The following SIRPA variants were observed in gnomAD, a reference collection of about 807,000 sequenced individuals.
SIRPA encodes the protein signal regulatory protein alpha, also known as tyrosine-protein phosphatase non-receptor type substrate 1.
SIRPA carries 9 observed loss-of-function variants against 50.3 expected under a neutral mutation model. The observed-to-expected ratio is 0.18, with a 90% confidence interval of 0.11 to 0.31. SIRPA has a LOEUF of 0.31. Ranked by LOEUF, SIRPA falls within the 10% of genes least tolerant of loss-of-function variation. The probability of loss-of-function intolerance (pLI) is 1.00; values close to 1 mark genes in which losing one functional copy is unlikely to be tolerated. For missense variants in SIRPA, 474 were observed against 661.6 expected (o/e 0.72, Z 3.11); for synonymous variants, 265 against 284.1 (o/e 0.93, Z 0.68).
Position 1,937,652 on chromosome 20 carries a change from A to C in SIRPA, c.*84A>C. 1 of 1,542,274 alleles carries C rather than the reference A, an allele frequency of 6.5e-7. No individual in the cohort carries two copies. The highest frequency in any genetic ancestry group is 1.2e-5 in the South Asian group (1 of 82,512). On this transcript the variant is annotated 3_prime_UTR_variant, in exon 8 of 8. Coordinates refer to ENST00000358771, the MANE Select transcript of SIRPA (RefSeq NM_001040023.2). The surrounding 1 kb of genome is among the most constrained non-coding windows in gnomAD (Gnocchi z 8.3). ...CCGCCGTGATGAGCACAGCCAACCCAGTTCCCGGAGGGCTGGGGCGGTGCA... is the reference window on the plus strand; with the variant it reads ...CCGCCGTGATGAGCACAGCCAACCCCGTTCCCGGAGGGCTGGGGCGGTGCA...
At position 1,924,989 on chromosome 20, in the gene SIRPA, G is replaced by T. The variant is rs561969134; in HGVS notation, c.1201+112G>T. 2.1e-5 allele frequency: 17 copies of T among 823,902 alleles called. No homozygotes were observed. The South Asian group carries it at 2.6e-4, about 13-fold the overall frequency. 51.0% of individuals were successfully genotyped at this position (823,902 alleles called of 1,614,324 possible). A position where few individuals can be genotyped will look rare whatever the true frequency, so the allele number is the denominator to read the frequency against. ...CATCAGCTTCTGCCAGTAGCAAGAA[G>T]TCCAGAGGTAGTGGTGCTAGGGCTG... On this transcript the variant is annotated intron_variant, in intron 5 of 7. Transcript: ENST00000358771. The surrounding 1 kb of genome is among the most constrained non-coding windows in gnomAD (Gnocchi z 4.5).
In SIRPA at chr20:1,916,350, G is replaced by A. The variant is rs570951329; in HGVS notation, c.436+895G>A. Among the ~76,000 whole-genome samples the A allele has an allele frequency of 1.6e-4, 25 of 152,348 alleles. No homozygotes were observed. The South Asian group carries it at 3.7e-3, about 23-fold the overall frequency. On this transcript the variant is annotated intron_variant, in intron 2 of 7. Transcript: ENST00000358771. Reference sequence around the variant, plus strand: ...AGGTGGAAACTTGAAGTCAGGAGATGACAGGGGCCTTGTCCACAGTCATAG... The same window carrying A: ...AGGTGGAAACTTGAAGTCAGGAGATAACAGGGGCCTTGTCCACAGTCATAG...
Position 1,939,183 on chromosome 20 carries a change from CACTATA to C in SIRPA, c.*1619_*1624del, listed in dbSNP as rs1986756480. On this transcript the variant is annotated 3_prime_UTR_variant, in exon 8 of 8. Transcript: ENST00000358771. This position sits in a 1 kb window ranked among gnomAD's most constrained non-coding sequence, Gnocchi z 4.7. ...TCGCAAGCCCTATTTATTCAGTCTTCACTATAACTCTTAGAGTTGAGACGCTAATGT... is the reference window on the plus strand; with the variant it reads ...TCGCAAGCCCTATTTATTCAGTCTTCACTCTTAGAGTTGAGACGCTAATGT... The C allele has an allele frequency of 6.6e-6, 1 of 152,230 alleles. No individual in the cohort carries two copies. The highest frequency in any genetic ancestry group is 2.4e-5 in the African/African-American group (1 of 41,458). 9.4% of individuals were successfully genotyped at this position (152,230 alleles called of 1,614,324 possible).
intron 2 of SIRPA, among the ~76,000 whole-genome samples, chr20:1,917,806 C>T (rs17776032): frequency 0.019 from 2,824 of 152,198 alleles, 38 homozygotes; most frequent in Admixed American, 0.029. Flanking sequence ...TTTATATTAT[C>T]CCCTCAGGCT....
At chr20:1,912,543 G>A (rs6075336) in intron 1 of SIRPA, among the ~76,000 whole-genome samples, 21,844 of 152,268 alleles carry the variant, frequency 0.14, 2,037 homozygotes, top group Admixed American at 0.22. Flanking sequence ...AGTCCCTTGT[G>A]GATCCTACAT....
chr20:1,902,916 G>T (rs1257478071), intron 1 of SIRPA, among the ~76,000 whole-genome samples: 1 of 151,226 alleles, frequency 6.6e-6, no homozygotes, highest in East Asian at 2.0e-4. Context: ...GGAGGCTGCG[G>T]CAGGAGAATC....
chr20:1,907,983 G>A (rs1390714345), intron 1 of SIRPA, among the ~76,000 whole-genome samples: 2 of 152,202 alleles, frequency 1.3e-5, no homozygotes, highest in African/African-American at 4.8e-5. Context: ...ATGGTTCTGG[G>A]CTAGCCTGTT....
rs1215731744 is a variant in SIRPA at position 1,924,003 on chromosome 20, TGGTTG to T, written c.1088-759_1088-755del. ...CTGGTTGGTTGGTTGGTTGGTTGGT[TGGTTG>T]GTTGGTTGGTTGGTTACATAATCCT... is the stretch of plus-strand genomic sequence containing the variant. On this transcript the variant is annotated intron_variant, in intron 4 of 7. Coordinates refer to ENST00000358771, the MANE Select transcript of SIRPA (RefSeq NM_001040023.2). The surrounding 1 kb of genome is among the most constrained non-coding windows in gnomAD (Gnocchi z 4.5). 6.6e-6 allele frequency among the ~76,000 whole-genome samples: 1 copy of T among 151,846 alleles called. No homozygotes were observed. Among genetic ancestry groups the T allele is most frequent in the African/African-American group, 2.4e-5 (1 of 41,316 alleles).
At position 1,938,003 on chromosome 20, in the gene SIRPA, C is replaced by CACCACCACT. The variant is rs1208078201; in HGVS notation, c.*444_*452dup. ...CCTCCACCACCACCACCACCACCACCACCACCACTACCACCACCACCCAAC... is the reference window on the plus strand; with the variant it reads ...CCTCCACCACCACCACCACCACCACCACCACCACTACCACCACTACCACCACCACCCAAC... On this transcript the variant is annotated 3_prime_UTR_variant, in exon 8 of 8. Coordinates refer to ENST00000358771, the MANE Select transcript of SIRPA (RefSeq NM_001040023.2). 4.3e-4 allele frequency: 74 copies of CACCACCACT among 171,040 alleles called. No homozygotes were observed. The highest frequency in any genetic ancestry group is 6.0e-4 in the Non-Finnish European group (51 of 84,590). The allele number at this position is 171,040 out of a possible 1,614,324, so 10.6% of individuals were successfully genotyped here.
chr20:1,938,372 T>C lies in SIRPA; in HGVS notation c.*804T>C, dbSNP rs1986716533. ...TGGACGCCTGTAAATTACTGAGAAA[T>C]GTGAAACGTGCAATCTTGAAACTGA... On this transcript the variant is annotated 3_prime_UTR_variant, in exon 8 of 8. Coordinates refer to ENST00000358771, the MANE Select transcript of SIRPA (RefSeq NM_001040023.2). The C allele has an allele frequency of 6.5e-6, 1 of 152,714 alleles. No homozygotes were observed. Among genetic ancestry groups the C allele is most frequent in the African/African-American group, 2.4e-5 (1 of 41,450 alleles). 9.5% of individuals were successfully genotyped at this position (152,714 alleles called of 1,614,324 possible).
chr20:1,909,348 T>C (rs1455071018), intron 1 of SIRPA, among the ~76,000 whole-genome samples: 1 of 152,256 alleles, frequency 6.6e-6, no homozygotes, highest in Non-Finnish European at 1.5e-5. Context: ...AGGCTGGTTC[T>C]TGGGAAATGT....
At chr20:1,902,568 C>T (rs533402227) in intron 1 of SIRPA, among the ~76,000 whole-genome samples, 1 of 152,166 alleles carries the variant, frequency 6.6e-6, no homozygotes, top group Non-Finnish European at 1.5e-5. Flanking sequence ...CACCTGCTCT[C>T]GTGCAGCAGA....
At chr20:1,925,924 T>C (rs1443730655) in intron 5 of SIRPA, among the ~76,000 whole-genome samples, 3 of 152,228 alleles carry the variant, frequency 2.0e-5, no homozygotes, top group African/African-American at 7.2e-5. Flanking sequence ...ACACCCTTTG[T>C]ATATAAAATT....
chr20:1,904,415 G>T (rs776749668), intron 1 of SIRPA, among the ~76,000 whole-genome samples: 1 of 152,322 alleles, frequency 6.6e-6, no homozygotes, highest in East Asian at 1.9e-4. Context: ...CCCCCAGAGG[G>T]TCACTGCACG....
In SIRPA at chr20:1,898,076, A is replaced by T. The variant is rs1484844100; in HGVS notation, c.79+2550A>T. Among the ~76,000 whole-genome samples, 7 of 152,194 alleles carry T rather than the reference A, an allele frequency of 4.6e-5. No homozygotes were observed. The highest frequency in any genetic ancestry group is 1.7e-4 in the African/African-American group (7 of 41,456). Reference sequence around the variant, plus strand: ...GAGTCACCCCCCAGGCCGACCTCAGATAAACTCCCATTCATTTCTTCTCTC... The same window carrying T: ...GAGTCACCCCCCAGGCCGACCTCAGTTAAACTCCCATTCATTTCTTCTCTC... On this transcript the variant is annotated intron_variant, in intron 1 of 7. Coordinates refer to ENST00000358771, the MANE Select transcript of SIRPA (RefSeq NM_001040023.2). This position sits in a 1 kb window ranked among gnomAD's most constrained non-coding sequence, Gnocchi z 4.3.
intron 1 of SIRPA, among the ~76,000 whole-genome samples, chr20:1,901,159 CTTTCTTTTTTTTTTT>C (rs1568493137): frequency 3.1e-5 from 4 of 129,818 alleles, no homozygotes. Context: ...TCCTTTCTTT[CTTTCTTTTTTTTTTT>C]TTTTTTTTTT....
At position 1,924,986 on chromosome 20, in the gene SIRPA, G is replaced by T; in HGVS notation, c.1201+109G>T. 1 of 838,570 alleles carries T rather than the reference G, an allele frequency of 1.2e-6. No homozygotes were observed. The highest frequency in any genetic ancestry group is 1.5e-5 in the South Asian group (1 of 66,154). 51.9% of individuals were successfully genotyped at this position (838,570 alleles called of 1,614,324 possible). On this transcript the variant is annotated intron_variant, in intron 5 of 7. Transcript: ENST00000358771. This position sits in a 1 kb window ranked among gnomAD's most constrained non-coding sequence, Gnocchi z 4.5. ...GGACATCAGCTTCTGCCAGTAGCAA[G>T]AAGTCCAGAGGTAGTGGTGCTAGGG...
rs1986636091 is a variant in SIRPA, at chr20:1,937,357, C to T, written c.1304C>T (p.Pro435Leu). 6.2e-7 allele frequency: 1 copy of T among 1,613,936 alleles called. No homozygotes were observed. Among genetic ancestry groups the T allele is most frequent in the Admixed American group, 1.7e-5 (1 of 59,996 alleles). ...ATCACATATGCAGACCTGAACCTGCCCAAGGGGAAGAAGCCTGCTCCCCAG... is the reference window on the plus strand; with the variant it reads ...ATCACATATGCAGACCTGAACCTGCTCAAGGGGAAGAAGCCTGCTCCCCAG... ...NDITYADLNL[P>L]KGKKPAPQAA... The change falls in exon 8 of 8, where the codon CCC becomes CTC. Residue 435 changes from proline (P) to leucine (L), a missense_variant. Around this residue, in one of 4 missense-constraint regions of SIRPA, gnomAD observed 180 missense variants for 206.7 expected, o/e 0.87. Coordinates refer to ENST00000358771, the MANE Select transcript of SIRPA (RefSeq NM_001040023.2). This position sits in a 1 kb window ranked among gnomAD's most constrained non-coding sequence, Gnocchi z 8.3.
intron 1 of SIRPA, among the ~76,000 whole-genome samples, chr20:1,904,076 T>C (rs1984397331): frequency 1.3e-5 from 2 of 152,120 alleles, no homozygotes; most frequent in Non-Finnish European, 2.9e-5. Flanking sequence ...CTTGGAGTTA[T>C]GAGGTTGTAC....
Sources: allele counts gnomAD v4.1 joint callset (sites outside exome capture counted in the v4.1 genomes callset), GRCh38; gene constraint gnomAD v4.1.1; regional missense constraint gnomAD v4.1.1; non-coding constraint Gnocchi (gnomAD v3.1); transcripts MANE v1.5; gene names NCBI Gene and HGNC (gene_info 2026-07-23, HGNC 2026-07-21).